ATIC: variants seen among roughly 807,000 people sequenced by gnomAD.
ATIC encodes 5-aminoimidazole-4-carboxamide ribonucleotide formyltransferase/IMP cyclohydrolase.
Under a neutral mutation model 72.5 loss-of-function variants are expected in ATIC, and 64 were observed. The observed-to-expected ratio is 0.88, with a 90% CI of 0.72 to 1.09. The LOEUF (loss-of-function observed/expected upper bound fraction) is 1.09, where lower values mean the gene tolerates loss of function less well. ATIC is among the 50% of genes least tolerant of loss of function. The pLI, the probability that ATIC is intolerant of heterozygous loss-of-function variation, is 0.00. For synonymous variants in ATIC, 281 were observed against 267.1 expected (o/e 1.05, Z -0.51); for missense variants, 787 against 732.4 (o/e 1.07, Z -0.86).
At chr2:215,324,990 C>G (rs540255973) in intron 4 of ATIC, among the ~76,000 whole-genome samples, 12 of 152,142 alleles carry the variant, frequency 7.9e-5, no homozygotes, top group African/African-American at 2.4e-4. Context: ...TGCAGTGTGA[C>G]GTGGAGGGAG....
At chr2:215,319,290 C>T (rs1349900002) in intron 3 of ATIC, among the ~76,000 whole-genome samples, 1 of 152,074 alleles carries the variant, frequency 6.6e-6, no homozygotes, top group Non-Finnish European at 1.5e-5. Context: ...CCTGTAGTCC[C>T]AGCACTTGGA....
Position 215,336,116 on chromosome 2 carries a change from G to T in ATIC, c.1090G>T (p.Val364Phe). The change falls in exon 11 of 16, where the codon GTC (valine) becomes TTC (phenylalanine). Residue 364 changes from valine to phenylalanine, a missense_variant. Coordinates refer to ENST00000236959, the MANE Select transcript of ATIC (RefSeq NM_004044.7). Reference protein sequence around the residue: ...LSKKKNGNYCVLQMDQSYKPD... With the variant: ...LSKKKNGNYCFLQMDQSYKPD... ...CAAAAAGAAAAATGGAAACTATTGT[G>T]TCCTTCAGGTGAGTGCAATTCATGT... The T allele has an allele frequency of 6.2e-7, 1 of 1,609,458 alleles. No individual in the cohort carries two copies. The highest frequency in any genetic ancestry group is 8.5e-7 in the Non-Finnish European group (1 of 1,175,910).
the ATIC span, chr2:215,361,241 C>G: frequency 2.2e-5 from 7 of 323,262 alleles, no homozygotes; most frequent in East Asian, 4.0e-4. Flanking sequence ...ACATTTGCAT[C>G]TTGGTTGGCT....
In ATIC at chr2:215,312,698, C is replaced by A. The variant is rs1004247621; in HGVS notation, c.146+74C>A. The A allele has an allele frequency of 5.7e-5, 91 of 1,604,982 alleles. 1 individual carries two copies. In the African/African-American group the frequency reaches 6.4e-4, roughly 11 times the overall value. On this transcript the variant is annotated intron_variant, in intron 2 of 15. Transcript: ENST00000236959. ...GGAAGTATTGTATTCCAGGCACCAGCAGCAAAACGCCTTATTTACTCCTCC... is the reference window on the plus strand; with the variant it reads ...GGAAGTATTGTATTCCAGGCACCAGAAGCAAAACGCCTTATTTACTCCTCC...
the ATIC span, chr2:215,367,810 C>T: frequency 6.3e-7 from 1 of 1,578,552 alleles, no homozygotes; most frequent in Non-Finnish European, 8.7e-7. Flanking sequence ...TGAGTGCATG[C>T]ATGGAACTTG....
Position 215,332,476 on chromosome 2 carries a change from C to G in ATIC, c.783C>G (p.Ala261=). Residue 261 remains alanine (A), a synonymous_variant, in exon 8 of 16, where the codon GCC becomes GCG. Transcript: ENST00000236959. The stretch of plus-strand genomic sequence containing the variant: ...TCAAGGAGGCTTTAGGTATTCCAGC[C>G]GCTGCCTCTTTCAAACATGTCAGCC... ...KELKEALGIP[A]AASFKHVSPA... is the part of the protein sequence containing the mutation. 6.2e-7 allele frequency: 1 copy of G among 1,614,052 alleles called. No homozygotes were observed. Among genetic ancestry groups the G allele is most frequent in the Middle Eastern group, 1.7e-4 (1 of 6,060 alleles).
At chr2:215,361,550 A>T in the ATIC span, 1 of 1,594,634 alleles carries the variant, frequency 6.3e-7, no homozygotes, top group Non-Finnish European at 8.6e-7. Flanking sequence ...GATTGGAAAG[A>T]TGATTTACTC....
chr2:215,330,495 G>A (rs1026111771), intron 7 of ATIC, among the ~76,000 whole-genome samples: 6 of 152,080 alleles, frequency 3.9e-5, no homozygotes, highest in African/African-American at 7.2e-5. Flanking sequence ...CTGATGAACC[G>A]ATTTTGATTC....
At chr2:215,325,949 G>T in intron 5 of ATIC, 38 bp from the exon 6 acceptor site, 1 of 1,610,908 alleles carries the variant, frequency 6.2e-7, no homozygotes, top group South Asian at 1.1e-5. Context: ...AAGCTGATAG[G>T]GACATACAAA....
At chr2:215,316,292 T>TCC (rs1234574144) in intron 2 of ATIC, among the ~76,000 whole-genome samples, 7 of 152,208 alleles carry the variant, frequency 4.6e-5, no homozygotes, top group African/African-American at 1.4e-4. Context: ...AAAAGAAATT[T>TCC]TGAATTTGAA....
intron 1 of ATIC, 108 bp from the exon 2 acceptor site, chr2:215,312,390 G>T: frequency 4.4e-6 from 7 of 1,586,216 alleles, no homozygotes; most frequent in Non-Finnish European, 6.1e-6. Context: ...GCAGGGTCCA[G>T]GTGCTGGCCT....
At chr2:215,318,530 A>T (rs546892581) in intron 3 of ATIC, among the ~76,000 whole-genome samples, 11 of 152,234 alleles carry the variant, frequency 7.2e-5, no homozygotes, top group Non-Finnish European at 1.6e-4. Context: ...ATTTCATCGT[A>T]TGAAAATACT....
intron 3 of ATIC, 107 bp downstream of exon 3, chr2:215,318,340 A>G (rs966386481): frequency 1.9e-6 from 2 of 1,077,478 alleles, no homozygotes; most frequent in Non-Finnish European, 2.9e-6. Flanking sequence ...AGAAATTTAC[A>G]TATAAAGTTA....
rs538280049 is a variant in ATIC, at chr2:215,326,972, A to T, written c.682A>T (p.Ile228Phe). ...GTACACACTGCAGCCCAAGCTTCCC[A>T]TCACAGGTAAAGCCCGAGCGTTCTG... is the stretch of plus-strand genomic sequence containing the variant. ...QLYTLQPKLP[I>F]TVLNGAPGFI... The change falls in exon 7 of 16, where the codon ATC becomes TTC. Residue 228 changes from isoleucine (I) to phenylalanine (F), a missense_variant. By Grantham distance (21) the Ile-to-Phe change is conservative (BLOSUM62 0). Coordinates refer to ENST00000236959, the MANE Select transcript of ATIC (RefSeq NM_004044.7). 252 of 1,614,156 alleles carry T rather than the reference A, an allele frequency of 1.6e-4. 4 individuals carry two copies. In the South Asian group the frequency reaches 2.6e-3, roughly 17 times the overall value.
chr2:215,359,478 C>T, the ATIC span, among the ~76,000 whole-genome samples: 10 of 152,080 alleles, frequency 6.6e-5, no homozygotes, highest in Non-Finnish European at 7.4e-5. Context: ...GTGAGACAGT[C>T]GTTTAATATC....
chr2:215,355,860 A>G, the ATIC span, among the ~76,000 whole-genome samples: 14 of 152,206 alleles, frequency 9.2e-5, no homozygotes, highest in Non-Finnish European at 1.9e-4. Flanking sequence ...TAGGATAATC[A>G]GTACCTTGTT....
At chr2:215,322,770 C>A (rs2052782749) in intron 4 of ATIC, among the ~76,000 whole-genome samples, 1 of 152,130 alleles carries the variant, frequency 6.6e-6, no homozygotes, top group Non-Finnish European at 1.5e-5. Flanking sequence ...GTTGTCTCAG[C>A]ATCATTTGTT....
At chr2:215,343,399 T>G (rs982506116) in intron 12 of ATIC, among the ~76,000 whole-genome samples, 2 of 152,140 alleles carry the variant, frequency 1.3e-5, no homozygotes, top group Non-Finnish European at 2.9e-5. Flanking sequence ...TGCAGTGGCA[T>G]GATCTTGTCT....
chr2:215,352,543 C>A (rs1351947303), downstream of ATIC, among the ~76,000 whole-genome samples: 1 of 151,468 alleles, frequency 6.6e-6, no homozygotes, highest in Non-Finnish European at 1.5e-5. Flanking sequence ...GATCACTCCA[C>A]TGCACTTCAG....
Sources: allele counts gnomAD v4.1 joint callset (sites outside exome capture counted in the v4.1 genomes callset), GRCh38; gene constraint gnomAD v4.1.1; transcripts MANE v1.5; gene names NCBI Gene and HGNC (gene_info 2026-07-23, HGNC 2026-07-21).